The following ELMO1 variants were observed in gnomAD, a reference collection of about 807,000 sequenced individuals.
The protein encoded by ELMO1 is engulfment and cell motility protein 1.
Under a neutral mutation model 98.9 loss-of-function variants are expected in ELMO1, and 26 were observed. That is an observed-to-expected ratio of 0.26 (90% confidence interval 0.19 to 0.36). The LOEUF (loss-of-function observed/expected upper bound fraction) is 0.36, where lower values mean the gene tolerates loss of function less well. ELMO1 is among the 10% of genes least tolerant of loss of function. The pLI, the probability that ELMO1 is intolerant of heterozygous loss-of-function variation, is 1.00. For synonymous variants in ELMO1, 346 were observed against 346.0 expected (o/e 1.00, Z 0.00); for missense variants, 627 against 935.2 (o/e 0.67, Z 4.30).
intron 2 of ELMO1, among the ~76,000 whole-genome samples, chr7:37,331,333 C>CTGTTTTTTTT (rs1800100099): frequency 3.5e-5 from 1 of 28,736 alleles, no homozygotes; most frequent in African/African-American, 1.1e-4. Flanking sequence ...CCACGCCTGG[C>CTGTTTTTTTT]TTTTTTTTTT....
At chr7:37,042,107 A>C (rs1031232507) in intron 15 of ELMO1, among the ~76,000 whole-genome samples, 43 of 150,368 alleles carry the variant, frequency 2.9e-4, no homozygotes, top group Middle Eastern at 3.2e-3. Context: ...CACATGGAAA[A>C]ACCCCGTCTC....
At chr7:37,151,188 G>A (rs1166779777) in intron 13 of ELMO1, among the ~76,000 whole-genome samples, 3 of 152,234 alleles carry the variant, frequency 2.0e-5, no homozygotes, top group Admixed American at 6.5e-5. Flanking sequence ...CTCAGGTCCT[G>A]AGGTCTCTTG....
chr7:37,301,712 G>A (rs891337282), intron 4 of ELMO1, among the ~76,000 whole-genome samples: 1 of 152,110 alleles, frequency 6.6e-6, no homozygotes, highest in Non-Finnish European at 1.5e-5. Context: ...TGGTAAAGGC[G>A]GTGAATCCCA....
chr7:37,225,575 C>A (rs376879486), intron 8 of ELMO1, among the ~76,000 whole-genome samples: 10 of 152,324 alleles, frequency 6.6e-5, no homozygotes, highest in Middle Eastern at 6.8e-3. Flanking sequence ...AAACGAAAAA[C>A]TCGTTACCCC....
intron 16 of ELMO1, among the ~76,000 whole-genome samples, chr7:36,980,440 T>A (rs1790951072): frequency 6.6e-6 from 1 of 152,134 alleles, no homozygotes; most frequent in Non-Finnish European, 1.5e-5. Flanking sequence ...GTTTGACGCA[T>A]ATATGACATA....
At chr7:36,933,742 G>A (rs546667997) in intron 16 of ELMO1, among the ~76,000 whole-genome samples, 8 of 152,310 alleles carry the variant, frequency 5.3e-5, no homozygotes, top group African/African-American at 1.9e-4. Context: ...AGAATGCAGA[G>A]GCAGGTAGCA....
At chr7:36,942,823 A>C (rs1466325113) in intron 16 of ELMO1, among the ~76,000 whole-genome samples, 1 of 152,210 alleles carries the variant, frequency 6.6e-6, no homozygotes, top group Non-Finnish European at 1.5e-5. Flanking sequence ...AACACTTCCC[A>C]AGAAAATGAA....
At position 36,855,831 on chromosome 7, in the gene ELMO1, T is replaced by C; in HGVS notation, c.1984-80A>G. 1 of 1,519,546 alleles carries C rather than the reference T, an allele frequency of 6.6e-7. No homozygotes were observed. Among genetic ancestry groups the C allele is most frequent in the East Asian group, 2.3e-5 (1 of 44,262 alleles). The allele number at this position is 1,519,546 out of a possible 1,614,324, so 94.1% of individuals were successfully genotyped here. A position where few individuals can be genotyped will look rare whatever the true frequency, so the allele number is the denominator to read the frequency against. ...AATAGTAAAAATAGCTAACAGTGAA[T>C]ACTCATCCCTCAGTAGGCTGTGCGC... On this transcript the variant is annotated intron_variant, in intron 21 of 21. Coordinates refer to ENST00000310758, the MANE Select transcript of ELMO1 (RefSeq NM_014800.11). This position sits in a 1 kb window ranked among gnomAD's most constrained non-coding sequence, Gnocchi z 4.2.
At chr7:36,861,221 C>T (rs1486683309) in intron 21 of ELMO1, among the ~76,000 whole-genome samples, 1 of 152,088 alleles carries the variant, frequency 6.6e-6, no homozygotes, top group African/African-American at 2.4e-5. Context: ...AAAATAAAAT[C>T]CCAACAGCAG....
chr7:37,260,527 C>G (rs1196348455), intron 5 of ELMO1, among the ~76,000 whole-genome samples: 4 of 152,132 alleles, frequency 2.6e-5, no homozygotes, highest in Non-Finnish European at 5.9e-5. Flanking sequence ...CAGAAAGACT[C>G]CACCCCAGCA....
At chr7:37,044,656 C>G (rs1327496921) in intron 15 of ELMO1, among the ~76,000 whole-genome samples, 1 of 152,200 alleles carries the variant, frequency 6.6e-6, no homozygotes, top group Non-Finnish European at 1.5e-5. Context: ...GGTCTTTGCT[C>G]CAACACCTGT....
At chr7:37,110,333 C>T (rs73335567) in intron 14 of ELMO1, among the ~76,000 whole-genome samples, 1 of 152,144 alleles carries the variant, frequency 6.6e-6, no homozygotes, top group South Asian at 2.1e-4. Context: ...ACCAGCCTCA[C>T]TCTCAGCTTC....
At chr7:37,124,801 G>A (rs1786375781) in intron 14 of ELMO1, among the ~76,000 whole-genome samples, 2 of 151,942 alleles carry the variant, frequency 1.3e-5, no homozygotes, top group Admixed American at 6.6e-5. Context: ...AGTTCATATG[G>A]AACCAAAAAA....
At chr7:37,117,637 G>A (rs528478131) in intron 14 of ELMO1, among the ~76,000 whole-genome samples, 8 of 152,220 alleles carry the variant, frequency 5.3e-5, no homozygotes, top group South Asian at 4.1e-4. Flanking sequence ...GTAACAGCTT[G>A]GTTATTCACA....
chr7:36,911,060 A>G, intron 16 of ELMO1, among the ~76,000 whole-genome samples: 1 of 152,208 alleles, frequency 6.6e-6, no homozygotes, highest in East Asian at 1.9e-4. Context: ...AACGGAACTT[A>G]CAGTATGAGA....
At chr7:37,317,326 G>A (rs373018424) in intron 2 of ELMO1, among the ~76,000 whole-genome samples, 20 of 152,298 alleles carry the variant, frequency 1.3e-4, no homozygotes, top group African/African-American at 4.8e-4. Flanking sequence ...TCACTACCAC[G>A]TGTGCAGAAG....
chr7:37,019,284 T>G (rs1794134912), intron 15 of ELMO1, among the ~76,000 whole-genome samples: 1 of 152,244 alleles, frequency 6.6e-6, no homozygotes, highest in African/African-American at 2.4e-5. Flanking sequence ...ATTCTAAGAT[T>G]CTTGAAGACT....
At chr7:37,075,147 ATTT>A (rs113966386) in intron 15 of ELMO1, among the ~76,000 whole-genome samples, 2 of 140,122 alleles carry the variant, frequency 1.4e-5, no homozygotes, top group Non-Finnish European at 3.1e-5. Context: ...TTCATTTGGA[ATTT>A]TTTTTTTTTT....
chr7:37,319,558 A>G (rs1163158332), intron 2 of ELMO1, among the ~76,000 whole-genome samples: 1 of 152,148 alleles, frequency 6.6e-6, no homozygotes, highest in Non-Finnish European at 1.5e-5. Context: ...CCCATCATTA[A>G]TAACTATTTG....
Sources: allele counts gnomAD v4.1 joint callset (sites outside exome capture counted in the v4.1 genomes callset), GRCh38; gene constraint gnomAD v4.1.1; non-coding constraint Gnocchi (gnomAD v3.1); transcripts MANE v1.5; gene names NCBI Gene and HGNC (gene_info 2026-07-23, HGNC 2026-07-21).